The following PTPN4 variants were observed in gnomAD, a reference collection of about 807,000 sequenced individuals.
PTPN4 encodes the protein protein tyrosine phosphatase non-receptor type 4, also known as tyrosine-protein phosphatase non-receptor type 4.
Under a neutral mutation model 135.5 loss-of-function variants are expected in PTPN4, and 49 were observed. That is an observed-to-expected ratio of 0.36 (90% CI 0.29 to 0.46). The LOEUF is 0.46. Among genes scored for constraint, PTPN4 ranks in the 20% least tolerant of loss-of-function variants. The pLI is 1.00. For missense variants in PTPN4, 860 were observed against 1,101.0 expected, an observed-to-expected ratio of 0.78 and a Z score of 3.10; for synonymous variants, 333 against 369.9, an observed-to-expected ratio of 0.90 and a Z score of 1.14.
chr2:119,905,154 A>G (rs925005013), intron 10 of PTPN4, among the ~76,000 whole-genome samples: 2 of 152,168 alleles, frequency 1.3e-5, no homozygotes, highest in Non-Finnish European at 2.9e-5. Flanking sequence ...ACTTAACAAC[A>G]TTGAATGTAT....
intron 1 of PTPN4, among the ~76,000 whole-genome samples, chr2:119,769,123 A>G (rs936812540): frequency 3.3e-5 from 5 of 152,218 alleles, no homozygotes; most frequent in Non-Finnish European, 7.3e-5. Flanking sequence ...GCTCCTAACT[A>G]CCATCACTGA....
chr2:119,939,822 G>T (rs1679036388), intron 15 of PTPN4, among the ~76,000 whole-genome samples: 1 of 152,060 alleles, frequency 6.6e-6, no homozygotes, highest in Non-Finnish European at 1.5e-5. Context: ...TCTTGATCAA[G>T]TCTAGCAATA....
intron 3 of PTPN4, among the ~76,000 whole-genome samples, chr2:119,873,225 T>C (rs1677939424): frequency 6.6e-6 from 1 of 152,012 alleles, no homozygotes; most frequent in Non-Finnish European, 1.5e-5. Flanking sequence ...TCTTGCCATG[T>C]ATCTTTCCCC....
At chr2:119,804,157 C>T (rs559775461) in intron 1 of PTPN4, among the ~76,000 whole-genome samples, 2 of 152,144 alleles carry the variant, frequency 1.3e-5, no homozygotes, top group East Asian at 3.9e-4. Context: ...CTGTCTCTGA[C>T]ACTGGGGTAC....
chr2:119,888,521 T>G (rs185655717), intron 9 of PTPN4, among the ~76,000 whole-genome samples: 22 of 152,316 alleles, frequency 1.4e-4, no homozygotes, highest in Admixed American at 1.0e-3. Flanking sequence ...GTATGTTCCT[T>G]TTGTGCATTT....
chr2:119,791,355 A>G (rs1691142450), intron 1 of PTPN4: 1 of 152,100 alleles, frequency 6.6e-6, no homozygotes, highest in Non-Finnish European at 1.5e-5. Context: ...GATGGTCTCA[A>G]TCTCTTGACC....
intron 9 of PTPN4, among the ~76,000 whole-genome samples, chr2:119,894,787 C>T (rs1221147524): frequency 6.6e-6 from 1 of 152,050 alleles, no homozygotes; most frequent in Non-Finnish European, 1.5e-5. Flanking sequence ...ATAAACATTT[C>T]ACAGGAGAAA....
intron 2 of PTPN4, among the ~76,000 whole-genome samples, chr2:119,844,049 GC>G (rs1677429993): frequency 5.4e-5 from 1 of 18,364 alleles, no homozygotes; most frequent in Non-Finnish European, 1.1e-4. Context: ...AGTAGGGGCG[GC>G]CGGGCAGAGG....
At position 119,951,992 on chromosome 2, in the gene PTPN4, G is replaced by A. The variant is rs762569057; in HGVS notation, c.1676G>A (p.Arg559Lys). Residue 559 changes from arginine (R) to lysine (K), a missense_variant, in exon 19 of 27, where the codon AGA (arginine) becomes AAA (lysine). Coordinates refer to ENST00000263708, the MANE Select transcript of PTPN4 (RefSeq NM_002830.4). ...TTACAGGCTGACCTCTGTGTCCCTAGACTGAATGAAGGGGACCAAGTTGTA... is the reference window on the plus strand; with the variant it reads ...TTACAGGCTGACCTCTGTGTCCCTAAACTGAATGAAGGGGACCAAGTTGTA... ...PGTPADLCVP[R>K]LNEGDQVVLI... The A allele has an allele frequency of 5.0e-6, 8 of 1,612,398 alleles. No individual in the cohort carries two copies. The Admixed American group carries it at 1.2e-4, about 24-fold the overall frequency.
At chr2:119,975,488 C>T (rs764472945) in intron 26 of PTPN4, among the ~76,000 whole-genome samples, 80 of 152,274 alleles carry the variant, frequency 5.3e-4, no homozygotes, top group Middle Eastern at 6.8e-3. Flanking sequence ...CTTTAGGAGG[C>T]CATTGCAGGT....
intron 15 of PTPN4, among the ~76,000 whole-genome samples, chr2:119,937,872 TA>T (rs1487611318): frequency 1.3e-5 from 2 of 151,926 alleles, no homozygotes; most frequent in East Asian, 3.9e-4. Flanking sequence ...TTCGAGGATG[TA>T]TTGCTCCATG....
intron 2 of PTPN4, among the ~76,000 whole-genome samples, chr2:119,823,553 G>A (rs1044485300): frequency 1.3e-5 from 2 of 152,142 alleles, no homozygotes; most frequent in African/African-American, 4.8e-5. Flanking sequence ...TTACATATCA[G>A]TATTCCTTGA....
At chr2:119,814,579 A>G (rs1287582281) in intron 2 of PTPN4, among the ~76,000 whole-genome samples, 2 of 152,176 alleles carry the variant, frequency 1.3e-5, no homozygotes, top group African/African-American at 2.4e-5. Flanking sequence ...TCACACTGTT[A>G]ACTTTTTCTG....
chr2:119,826,620 C>T (rs1489083596), intron 2 of PTPN4, among the ~76,000 whole-genome samples: 3 of 152,150 alleles, frequency 2.0e-5, no homozygotes, highest in African/African-American at 7.2e-5. Context: ...CAATCCCTCC[C>T]CTATCCCCCA....
chr2:119,923,587 A>G (rs2105030929), intron 12 of PTPN4, among the ~76,000 whole-genome samples: 1 of 152,272 alleles, frequency 6.6e-6, no homozygotes, highest in South Asian at 2.1e-4. Flanking sequence ...ACCTTCCTGA[A>G]AACATTTATT....
At chr2:119,760,483 G>T (rs1427865454) in intron 1 of PTPN4, 99 bp downstream of exon 1, 2 of 388,670 alleles carry the variant, frequency 5.1e-6, no homozygotes, top group Non-Finnish European at 9.1e-6. Flanking sequence ...GCCAGGTGGG[G>T]CAAGCCGGAG....
chr2:119,807,820 T>C (rs76152575), intron 1 of PTPN4, among the ~76,000 whole-genome samples: 1 of 152,038 alleles, frequency 6.6e-6, no homozygotes, highest in South Asian at 2.1e-4. Context: ...GATGCAAAAA[T>C]CCTCAATAAA....
intron 10 of PTPN4, 36 bp downstream of exon 10, chr2:119,900,842 T>C (rs768495571): frequency 2.5e-6 from 3 of 1,200,608 alleles, no homozygotes; most frequent in Non-Finnish European, 3.5e-6. Context: ...TGTTTACCAC[T>C]GTATTACTAA....
intron 2 of PTPN4, among the ~76,000 whole-genome samples, chr2:119,821,587 CA>C (rs1049249382): frequency 3.8e-4 from 57 of 151,994 alleles, no homozygotes; most frequent in African/African-American, 1.1e-3. Context: ...TTAATTTTTT[CA>C]TGTAAAATCT....
Sources: allele counts gnomAD v4.1 joint callset (sites outside exome capture counted in the v4.1 genomes callset), GRCh38; gene constraint gnomAD v4.1.1; transcripts MANE v1.5; gene names NCBI Gene and HGNC (gene_info 2026-07-23, HGNC 2026-07-21).